GALNTL6: variants seen among roughly 807,000 people sequenced by gnomAD.
GALNTL6 encodes polypeptide N-acetylgalactosaminyltransferase-like 6.
A neutral mutation model predicts 73.7 loss-of-function variants in GALNTL6; 46 were observed. The ratio of observed to expected loss-of-function variants is 0.62; its 90% CI spans 0.49 to 0.80. The LOEUF (loss-of-function observed/expected upper bound fraction) is 0.80. GALNTL6 is among the 30% of genes least tolerant of loss of function. GALNTL6 has a pLI of 0.00. For missense variants in GALNTL6, 604 were observed against 755.0 expected (o/e 0.80, Z 2.34); for synonymous variants, 259 against 263.7 (o/e 0.98, Z 0.17).
chr4:172,526,547 C>T (rs990030601), intron 5 of GALNTL6, among the ~76,000 whole-genome samples: 3 of 152,162 alleles, frequency 2.0e-5, no homozygotes, highest in African/African-American at 7.2e-5. Flanking sequence ...TATATATTCA[C>T]ATAAAAGTAT....
At chr4:172,296,506 T>A (rs1739679394) in intron 3 of GALNTL6, among the ~76,000 whole-genome samples, 1 of 152,084 alleles carries the variant, frequency 6.6e-6, no homozygotes, top group African/African-American at 2.4e-5. Context: ...ATGATATCCC[T>A]CCCCACTTCC....
chr4:171,982,361 G>C (rs140104949), intron 2 of GALNTL6, among the ~76,000 whole-genome samples: 96 of 152,110 alleles, frequency 6.3e-4, no homozygotes, highest in African/African-American at 1.9e-3. Flanking sequence ...GCAGTGGCGC[G>C]ATCTCGGCCC....
At chr4:173,039,816 T>A in intron 12 of GALNTL6, 117 bp from the exon 13 acceptor site, 1 of 796,036 alleles carries the variant, frequency 1.3e-6, no homozygotes, top group Non-Finnish European at 1.9e-6. Flanking sequence ...GCTGTTCTAT[T>A]TACACAATAA....
intron 5 of GALNTL6, among the ~76,000 whole-genome samples, chr4:172,371,627 C>T (rs1360297474): frequency 6.6e-6 from 1 of 151,954 alleles, no homozygotes; most frequent in East Asian, 1.9e-4. Flanking sequence ...TTCTGTCGCT[C>T]TGTCTCTTCC....
chr4:172,827,829 T>C (rs915254277), intron 7 of GALNTL6, among the ~76,000 whole-genome samples: 6 of 152,132 alleles, frequency 3.9e-5, no homozygotes, highest in African/African-American at 1.4e-4. Context: ...ATTTTATCAA[T>C]AATACTTTCT....
At chr4:172,023,762 C>T (rs146515962) in intron 2 of GALNTL6, among the ~76,000 whole-genome samples, 28 of 151,862 alleles carry the variant, frequency 1.8e-4, no homozygotes, top group Admixed American at 7.2e-4. Flanking sequence ...TCTTTATATT[C>T]GAGTAAGTTG....
intron 5 of GALNTL6, among the ~76,000 whole-genome samples, chr4:172,440,209 A>G (rs1249456819): frequency 1.3e-5 from 2 of 152,130 alleles, no homozygotes; most frequent in Non-Finnish European, 2.9e-5. Flanking sequence ...AGCTTTTTTC[A>G]TAATTACCTA....
chr4:171,911,412 A>G (rs1279007741), intron 2 of GALNTL6, among the ~76,000 whole-genome samples: 2 of 152,216 alleles, frequency 1.3e-5, no homozygotes, highest in African/African-American at 4.8e-5. Context: ...TCGGCCTCCC[A>G]AAGTGCTGGG....
At chr4:172,655,243 G>A (rs946288534) in intron 5 of GALNTL6, among the ~76,000 whole-genome samples, 1 of 152,022 alleles carries the variant, frequency 6.6e-6, no homozygotes, top group African/African-American at 2.4e-5. Flanking sequence ...TAGGTTTCAG[G>A]TTTGTGATGG....
At chr4:172,227,770 C>A (rs1322863246) in intron 2 of GALNTL6, among the ~76,000 whole-genome samples, 1 of 152,036 alleles carries the variant, frequency 6.6e-6, no homozygotes, top group Non-Finnish European at 1.5e-5. Flanking sequence ...GTTCAATTAA[C>A]TTTTGTTCAA....
rs60328283 is a variant in GALNTL6 at position 172,733,310 on chromosome 4, C to T, written c.554-76051C>T. Among the ~76,000 whole-genome samples the T allele has an allele frequency of 3.1e-3, 479 of 152,278 alleles. 4 individuals carry two copies. The highest frequency in any genetic ancestry group is 0.011 in the African/African-American group (457 of 41,550). On this transcript the variant is annotated intron_variant, in intron 5 of 12. Coordinates refer to ENST00000506823, the MANE Select transcript of GALNTL6 (RefSeq NM_001034845.3). ...CTGTTGCCAAACTAATTGTAGCTCC[C>T]TTATATATTACTTGATTATTTCTTG...
chr4:172,745,439 A>C (rs1384357418), intron 5 of GALNTL6, among the ~76,000 whole-genome samples: 2 of 137,564 alleles, frequency 1.5e-5, no homozygotes, highest in East Asian at 3.9e-4. Flanking sequence ...ACATATATAT[A>C]TATATGTACA....
chr4:171,916,515 C>T (rs183525755), intron 2 of GALNTL6, among the ~76,000 whole-genome samples: 5 of 152,146 alleles, frequency 3.3e-5, no homozygotes, highest in African/African-American at 1.2e-4. Flanking sequence ...AATGTAGGTG[C>T]GTTCAGACAT....
At chr4:172,519,952 C>G (rs1172327298) in intron 5 of GALNTL6, among the ~76,000 whole-genome samples, 1 of 151,734 alleles carries the variant, frequency 6.6e-6, no homozygotes, top group Non-Finnish European at 1.5e-5. Flanking sequence ...TTGGGCCAAA[C>G]TTTTCAGTAA....
At chr4:172,831,242 G>A (rs2111054889) in intron 7 of GALNTL6, among the ~76,000 whole-genome samples, 1 of 150,230 alleles carries the variant, frequency 6.7e-6, no homozygotes, top group Non-Finnish European at 1.5e-5. Flanking sequence ...AAATATATGG[G>A]TGCTGGCTGT....
chr4:172,576,074 T>G (rs1475937075), intron 5 of GALNTL6, among the ~76,000 whole-genome samples: 1 of 152,182 alleles, frequency 6.6e-6, no homozygotes, highest in Non-Finnish European at 1.5e-5. Flanking sequence ...CATCTCTGCT[T>G]TTCTAAGTAC....
chr4:172,951,303 C>T (rs1749432164), intron 9 of GALNTL6, among the ~76,000 whole-genome samples: 1 of 152,180 alleles, frequency 6.6e-6, no homozygotes, highest in Non-Finnish European at 1.5e-5. Flanking sequence ...GGATGAGTAA[C>T]TTGCTCAATT....
chr4:172,526,856 A>G (rs945885332), intron 5 of GALNTL6, among the ~76,000 whole-genome samples: 4 of 117,640 alleles, frequency 3.4e-5, no homozygotes, highest in Non-Finnish European at 6.5e-5. Context: ...GACCTTATCC[A>G]TGTGTACTGG....
chr4:172,571,142 C>T (rs1736745515), intron 5 of GALNTL6, among the ~76,000 whole-genome samples: 1 of 152,168 alleles, frequency 6.6e-6, no homozygotes, highest in Non-Finnish European at 1.5e-5. Flanking sequence ...GTTTAAGCCA[C>T]CCAGTCTATG....
Sources: gnomAD v4.1 joint callset for allele counts (sites outside exome capture counted in the v4.1 genomes callset) on GRCh38, gnomAD v4.1.1 for gene constraint, MANE v1.5 for transcripts, NCBI Gene and HGNC (gene_info 2026-07-23, HGNC 2026-07-21) for gene names.